Variants in SRGAP2B observed in about 807,000 individuals in gnomAD.
SRGAP2B encodes SLIT-ROBO Rho GTPase-activating protein 2B.
Under a neutral mutation model 22.2 loss-of-function variants are expected in SRGAP2B, and 9 were observed. The ratio of observed to expected loss-of-function variants is 0.41; its 90% confidence interval spans 0.24 to 0.71. The LOEUF (loss-of-function observed/expected upper bound fraction) is 0.71. Among genes scored for constraint, SRGAP2B ranks in the 30% least tolerant of loss-of-function variants. The probability of loss-of-function intolerance (pLI) is 0.35; values close to 1 mark genes in which losing one functional copy is unlikely to be tolerated. For synonymous variants in SRGAP2B, 36 were observed against 87.4 expected, an observed-to-expected ratio of 0.41 and a Z score of 3.28; for missense variants, 114 against 235.8, an observed-to-expected ratio of 0.48 and a Z score of 3.38.
At chr1:145,011,398 C>CTGG (rs1553622224) in intron 2 of SRGAP2B, among the ~76,000 whole-genome samples, 1 of 145,666 alleles carries the variant, frequency 6.9e-6, no homozygotes, top group African/African-American at 2.7e-5. Flanking sequence ...CATTCTATGT[C>CTGG]TGGTGATTCC....
At chr1:145,076,116 T>G (rs1471983358) in intron 2 of SRGAP2B, among the ~76,000 whole-genome samples, 10 of 150,430 alleles carry the variant, frequency 6.6e-5, no homozygotes, top group Non-Finnish European at 1.5e-5. Flanking sequence ...GAAATATACA[T>G]GTATCTTCCC....
intron 2 of SRGAP2B, among the ~76,000 whole-genome samples, chr1:145,006,811 T>C (rs1671629381): frequency 6.6e-6 from 1 of 150,838 alleles, no homozygotes; most frequent in Non-Finnish European, 1.5e-5. Flanking sequence ...AGTAGGCTCC[T>C]ATTGAGTCAC....
intron 4 of SRGAP2B, among the ~76,000 whole-genome samples, chr1:144,922,480 C>G (rs1466982514): frequency 6.9e-6 from 1 of 144,118 alleles, no homozygotes; most frequent in Non-Finnish European, 1.5e-5. Context: ...TCAGTAAGAA[C>G]TAAATGACTC....
intron 2 of SRGAP2B, among the ~76,000 whole-genome samples, chr1:145,011,974 C>T (rs1672086868): frequency 6.6e-6 from 1 of 151,064 alleles, no homozygotes; most frequent in Admixed American, 6.6e-5. Context: ...AAACACCCAC[C>T]TCAGGGCCTT....
intron 4 of SRGAP2B, among the ~76,000 whole-genome samples, chr1:144,923,451 T>C (rs1664404863): frequency 6.7e-6 from 1 of 149,958 alleles, no homozygotes; most frequent in Non-Finnish European, 1.5e-5. Context: ...AGAGTAGAAA[T>C]GGTATCTAGG....
intron 2 of SRGAP2B, among the ~76,000 whole-genome samples, chr1:145,068,922 TG>T (rs1651818972): frequency 6.8e-6 from 1 of 147,748 alleles, no homozygotes; most frequent in Admixed American, 6.8e-5. Flanking sequence ...TGTGTGTGTG[TG>T]TGTGTGTGTG....
At chr1:144,960,404 G>C (rs1667577259) in intron 3 of SRGAP2B, among the ~76,000 whole-genome samples, 1 of 150,852 alleles carries the variant, frequency 6.6e-6, no homozygotes, top group African/African-American at 2.5e-5. Context: ...TACATCTGCA[G>C]GAGACATTAT....
intron 5 of SRGAP2B, among the ~76,000 whole-genome samples, chr1:144,913,170 GTCT>G (rs1663541632): frequency 7.2e-6 from 1 of 138,772 alleles, no homozygotes; most frequent in African/African-American, 2.8e-5. Context: ...TTAGACAGTA[GTCT>G]TCTTCTGCTG....
chr1:144,893,938 C>G (rs2101660679), intron 8 of SRGAP2B, among the ~76,000 whole-genome samples: 1 of 136,984 alleles, frequency 7.3e-6, no homozygotes, highest in Non-Finnish European at 1.5e-5. Flanking sequence ...GCTAACTTGC[C>G]ACTGCTGGCA....
At chr1:144,907,139 GTGTGTGTGTGTGTGTGTGTGTGTGCA>G (rs1252428767) in intron 5 of SRGAP2B, among the ~76,000 whole-genome samples, 1 of 72,136 alleles carries the variant, frequency 1.4e-5, no homozygotes, top group African/African-American at 6.8e-5. Context: ...GTGTGTGTGC[GTGTGTGTGTGTGTGTGTGTGTGTGCA>G]TGTGTGTGTG....
exon 6 of SRGAP2B, chr1:144,905,878 A>G (rs1662950175): frequency 8.5e-6 from 6 of 707,224 alleles, no homozygotes; most frequent in Non-Finnish European, 7.8e-6. Context: ...CATCTTCTCA[A>G]TCTTCTTCAC....
At chr1:145,080,660 C>T (rs1199019214) in intron 2 of SRGAP2B, among the ~76,000 whole-genome samples, 1 of 147,952 alleles carries the variant, frequency 6.8e-6, no homozygotes, top group Non-Finnish European at 1.5e-5. Context: ...AAGCAATTCT[C>T]CTGCCTCAGG....
At chr1:145,079,878 A>G (rs1320898395) in intron 2 of SRGAP2B, among the ~76,000 whole-genome samples, 2 of 149,648 alleles carry the variant, frequency 1.3e-5, no homozygotes, top group African/African-American at 5.0e-5. Context: ...AAGAGCCTGA[A>G]GTCACTTCCC....
Position 144,965,920 on chromosome 1 carries a change from C to A in SRGAP2B, c.261-10319G>T, listed in dbSNP as rs11162998. Among the ~76,000 whole-genome samples the A allele has an allele frequency of 7.9e-3, 977 of 123,568 alleles. 1 individual carries two copies. The highest frequency in any genetic ancestry group is 8.0e-3 in the African/African-American group (254 of 31,626). The allele number at this position is 123,568 out of a possible 152,430, so 81.1% of individuals were successfully genotyped here. A position where few individuals can be genotyped will look rare whatever the true frequency, so the allele number is the denominator to read the frequency against. ...GGAAGATGAAATGAATGAAATGAAG[C>A]GAGAAGGGAAGTTTAGAGAAAAAAA... On this transcript the variant is annotated intron_variant, in intron 3 of 9. Transcript: ENST00000612199.
chr1:144,964,710 G>A (rs1397140264), intron 3 of SRGAP2B, among the ~76,000 whole-genome samples: 12 of 150,866 alleles, frequency 8.0e-5, no homozygotes, highest in African/African-American at 2.7e-4. Flanking sequence ...GGTAACTTTG[G>A]GCAAGTCACA....
chr1:145,001,863 T>A (rs1215173052), intron 2 of SRGAP2B, among the ~76,000 whole-genome samples: 2 of 149,968 alleles, frequency 1.3e-5, no homozygotes, highest in Non-Finnish European at 2.9e-5. Flanking sequence ...TCTACAAAAT[T>A]TTTTTTTAAG....
At chr1:145,007,653 C>T (rs1363193324) in intron 2 of SRGAP2B, among the ~76,000 whole-genome samples, 5 of 150,736 alleles carry the variant, frequency 3.3e-5, no homozygotes, top group Non-Finnish European at 5.9e-5. Context: ...GGGCAAATTA[C>T]TTATCTCTCT....
At chr1:145,017,002 C>G (rs1218034019) in intron 2 of SRGAP2B, among the ~76,000 whole-genome samples, 2 of 140,434 alleles carry the variant, frequency 1.4e-5, no homozygotes, top group Non-Finnish European at 3.0e-5. Context: ...CTTTGTCACC[C>G]AGGCTAGAGT....
In SRGAP2B at chr1:144,940,896, T is replaced by TA. The variant is rs587750924; in HGVS notation, c.423+14542dup. On this transcript the variant is annotated intron_variant, in intron 4 of 9. Transcript: ENST00000612199. ...CAGACTACAGACTGCTGTATGATCA[T>TA]ATAGGCAACATTTAAAAGAAGATGC... 2.4e-3 allele frequency among the ~76,000 whole-genome samples: 362 copies of TA among 148,248 alleles called. 23 individuals carry two copies. Among genetic ancestry groups the TA allele is most frequent in the African/African-American group, 8.8e-3 (345 of 39,266 alleles).
Sources: gnomAD v4.1 joint callset for allele counts (sites outside exome capture counted in the v4.1 genomes callset) on GRCh38, gnomAD v4.1.1 for gene constraint, MANE v1.5 for transcripts, NCBI Gene and HGNC (gene_info 2026-07-23, HGNC 2026-07-21) for gene names.